The following ADAMTS18 variants were observed in gnomAD, a reference collection of about 807,000 sequenced individuals.
The protein encoded by ADAMTS18 is ADAM metallopeptidase with thrombospondin type 1 motif 18, also known as A disintegrin and metalloproteinase with thrombospondin motifs 18.
In ADAMTS18, 157 loss-of-function variants were observed where a neutral mutation model predicts 165.9. The observed-to-expected ratio is 0.95, with a 90% CI of 0.83 to 1.08. The LOEUF (loss-of-function observed/expected upper bound fraction) is 1.08. Ranked by LOEUF, ADAMTS18 falls within the 50% of genes least tolerant of loss-of-function variation. ADAMTS18 has a pLI of 0.00. For synonymous variants in ADAMTS18, 782 were observed against 578.2 expected (o/e 1.35, Z -5.06); for missense variants, 2,040 against 1,534.0 (o/e 1.33, Z -5.51).
chr16:77,345,108 G>A (rs2056456701), intron 10 of ADAMTS18, among the ~76,000 whole-genome samples: 1 of 152,028 alleles, frequency 6.6e-6, no homozygotes, highest in Admixed American at 6.6e-5. Context: ...GAGTCCCAAT[G>A]CTATCCATTA....
chr16:77,325,631 A>T (rs938911921), intron 13 of ADAMTS18, among the ~76,000 whole-genome samples: 3 of 151,958 alleles, frequency 2.0e-5, no homozygotes, highest in African/African-American at 7.3e-5. Flanking sequence ...CAAACATATG[A>T]AACCTTGGGT....
chr16:77,408,655 A>C (rs1465322878), intron 3 of ADAMTS18, among the ~76,000 whole-genome samples: 1 of 152,212 alleles, frequency 6.6e-6, no homozygotes, highest in Non-Finnish European at 1.5e-5. Flanking sequence ...AGGCAAAACT[A>C]ACCTTCAGTG....
chr16:77,382,732 G>C (rs1436835390), intron 3 of ADAMTS18, among the ~76,000 whole-genome samples: 1 of 152,204 alleles, frequency 6.6e-6, no homozygotes, highest in Non-Finnish European at 1.5e-5. Flanking sequence ...TTGGTGAACT[G>C]TGAATGACCA....
intron 11 of ADAMTS18, among the ~76,000 whole-genome samples, chr16:77,337,048 T>C (rs1049567057): frequency 6.6e-6 from 1 of 152,252 alleles, no homozygotes; most frequent in Non-Finnish European, 1.5e-5. Context: ...GCTTGGTTGC[T>C]AGCGCACTCT....
intron 19 of ADAMTS18, among the ~76,000 whole-genome samples, chr16:77,294,064 A>C: frequency 7.9e-6 from 1 of 126,584 alleles, no homozygotes; most frequent in East Asian, 2.0e-4. Context: ...AATATACGCT[A>C]AAGGAAAACA....
intron 3 of ADAMTS18, among the ~76,000 whole-genome samples, chr16:77,419,046 G>A (rs1249517820): frequency 6.6e-6 from 1 of 152,288 alleles, no homozygotes; most frequent in South Asian, 2.1e-4. Context: ...CTACTCAGAA[G>A]GCTGAGACAG....
At chr16:77,409,940 A>G (rs2057439708) in intron 3 of ADAMTS18, among the ~76,000 whole-genome samples, 1 of 152,156 alleles carries the variant, frequency 6.6e-6, no homozygotes, top group South Asian at 2.1e-4. Flanking sequence ...AATTCTCAGT[A>G]TTTGTCTGGG....
intron 16 of ADAMTS18, among the ~76,000 whole-genome samples, chr16:77,313,599 G>A (rs915032201): frequency 6.6e-6 from 1 of 152,064 alleles, no homozygotes; most frequent in Non-Finnish European, 1.5e-5. Flanking sequence ...TGCTTGTCAT[G>A]AAGCGGTAAA....
chr16:77,291,032 GAACAAA>G (rs1157926928), intron 21 of ADAMTS18: 4 of 481,736 alleles, frequency 8.3e-6, no homozygotes, highest in African/African-American at 7.8e-5. Context: ...ATTTTCTGAT[GAACAAA>G]AACAAATCAA....
chr16:77,284,941 C>T lies in ADAMTS18; in HGVS notation c.3551-870G>A, dbSNP rs558225814. On this transcript the variant is annotated intron_variant, in intron 22 of 22. Coordinates refer to ENST00000282849, the MANE Select transcript of ADAMTS18 (RefSeq NM_199355.4). ...ATGGGTTGAGATTAACTGAAAAAGCCGGGTCTCCAACAGTCTGTGTAGGTT... is the reference window on the plus strand; with the variant it reads ...ATGGGTTGAGATTAACTGAAAAAGCTGGGTCTCCAACAGTCTGTGTAGGTT... Among the ~76,000 whole-genome samples, 91 of 151,240 alleles carry T rather than the reference C, an allele frequency of 6.0e-4. 2 individuals are homozygous for T. The highest frequency in any genetic ancestry group is 8.1e-4 in the Non-Finnish European group (55 of 68,008).
intron 7 of ADAMTS18, 102 bp from the exon 8 acceptor site, chr16:77,359,525 A>T: frequency 1.1e-6 from 1 of 904,074 alleles, no homozygotes; most frequent in East Asian, 2.6e-5. Context: ...TTAGTTTAAT[A>T]GATCAATGCA....
intron 3 of ADAMTS18, among the ~76,000 whole-genome samples, chr16:77,394,136 A>G (rs1372879955): frequency 6.6e-6 from 1 of 152,262 alleles, no homozygotes; most frequent in East Asian, 1.9e-4. Context: ...GCACATTAAA[A>G]TGCATCCTTA....
Position 77,364,300 on chromosome 16 carries a change from C to G in ADAMTS18, c.860G>C (p.Gly287Ala), listed in dbSNP as rs774326527. ...GSSGRPRRSA[G>A]KSQKGLNVET... The stretch of plus-strand genomic sequence containing the variant: ...CACATTGAGGCCCTTTTGTGATTTT[C>G]CAGCTGATCTTCTGGGTCGCCCAGA... The change falls in exon 5 of 23, where the codon GGA becomes GCA. Residue 287 changes from glycine to alanine, a missense_variant. Transcript: ENST00000282849. 1.2e-6 allele frequency: 2 copies of G among 1,613,934 alleles called. No individual in the cohort carries two copies. Among genetic ancestry groups the G allele is most frequent in the Non-Finnish European group, 1.7e-6 (2 of 1,179,988 alleles).
At chr16:77,359,550 A>G (rs201399858) in intron 7 of ADAMTS18, 127 bp from the exon 8 acceptor site, 3 of 9,002 alleles carry the variant, frequency 3.3e-4, no homozygotes, top group South Asian at 5.6e-3. Context: ...GTGTTTTTGG[A>G]AAAAAAAAAA....
In ADAMTS18 at chr16:77,362,014, A is replaced by G. The variant is rs543314764; in HGVS notation, c.1216+91T>C. 2.9e-6 allele frequency: 4 copies of G among 1,382,692 alleles called. No homozygotes were observed. The East Asian group carries it at 7.0e-5, about 24-fold the overall frequency. The allele number at this position is 1,382,692 out of a possible 1,614,324, so 85.7% of individuals were successfully genotyped here. ...ATTTAAATATTATGTCTGTTTATTA[A>G]GGAACATAAGGGCTATCCATCATCC... On this transcript the variant is annotated intron_variant, in intron 7 of 22. Coordinates refer to ENST00000282849, the MANE Select transcript of ADAMTS18 (RefSeq NM_199355.4).
At chr16:77,318,960 G>A (rs912337545) in intron 16 of ADAMTS18, among the ~76,000 whole-genome samples, 5 of 152,156 alleles carry the variant, frequency 3.3e-5, no homozygotes, top group African/African-American at 1.2e-4. Flanking sequence ...TGGAGAAAAA[G>A]CACTCAGAGA....
intron 2 of ADAMTS18, 35 bp downstream of exon 2, chr16:77,434,383 A>C: frequency 6.5e-7 from 1 of 1,548,814 alleles, no homozygotes; most frequent in Non-Finnish European, 8.7e-7. Context: ...AGTGCTGCGA[A>C]AGGCCCTTCT....
intron 3 of ADAMTS18, among the ~76,000 whole-genome samples, chr16:77,417,427 T>C (rs1302185810): frequency 1.3e-5 from 2 of 152,184 alleles, no homozygotes; most frequent in African/African-American, 4.8e-5. Flanking sequence ...TATATATTTA[T>C]AAAGATATTG....
chr16:77,358,896 G>A (rs1437555255), intron 8 of ADAMTS18, among the ~76,000 whole-genome samples: 7 of 152,148 alleles, frequency 4.6e-5, no homozygotes, highest in Non-Finnish European at 1.0e-4. Flanking sequence ...TTAAGTACAT[G>A]CAATGTTGCC....
Sources: gnomAD v4.1 joint callset for allele counts (sites outside exome capture counted in the v4.1 genomes callset) on GRCh38, gnomAD v4.1.1 for gene constraint, MANE v1.5 for transcripts, NCBI Gene and HGNC (gene_info 2026-07-23, HGNC 2026-07-21) for gene names.